The following TSPAN19 variants were observed in gnomAD, a reference collection of about 807,000 sequenced individuals.
TSPAN19 encodes tetraspanin 19, also known as tetraspanin-19.
In TSPAN19, 44 loss-of-function variants were observed where a neutral mutation model predicts 35.1. The ratio of observed to expected loss-of-function variants is 1.25; its 90% CI spans 0.98 to 1.61. TSPAN19 has a LOEUF of 1.61. TSPAN19 is among the 40% of genes most tolerant of loss of function. TSPAN19 has a pLI of 0.00. For missense variants in TSPAN19, 290 were observed against 280.0 expected (o/e 1.04, Z -0.26); for synonymous variants, 79 against 92.0 (o/e 0.86, Z 0.81).
intron 4 of TSPAN19, among the ~76,000 whole-genome samples, chr12:85,023,644 G>C (rs900270910): frequency 1.3e-4 from 20 of 152,104 alleles, no homozygotes; most frequent in African/African-American, 4.8e-4. Flanking sequence ...GAGCACCTTG[G>C]TCCAATAGAG....
chr12:85,027,584 C>G (rs1348129716), intron 4 of TSPAN19, among the ~76,000 whole-genome samples: 4 of 151,920 alleles, frequency 2.6e-5, no homozygotes, highest in South Asian at 4.2e-4. Context: ...ACACTTTATT[C>G]TAATTCTAGC....
At chr12:85,035,076 C>T (rs984317666) in intron 1 of TSPAN19, 1 of 151,996 alleles carries the variant, frequency 6.6e-6, no homozygotes, top group African/African-American at 2.4e-5. Flanking sequence ...AACTTCAACA[C>T]AATATGAAAG....
intron 7 of TSPAN19, 52 bp from the exon 8 acceptor site, chr12:85,016,023 C>A (rs537947251): frequency 1.8e-6 from 2 of 1,117,712 alleles, no homozygotes; most frequent in Admixed American, 6.1e-5. Context: ...TGATCTTATA[C>A]ATAAATCTTT....
chr12:85,027,813 G>A, intron 4 of TSPAN19, 86 bp downstream of exon 4: 1 of 1,312,948 alleles, frequency 7.6e-7, no homozygotes, highest in Non-Finnish European at 1.0e-6. Context: ...GCAGTGCCAT[G>A]CTAATATAAA....
intron 5 of TSPAN19, among the ~76,000 whole-genome samples, chr12:85,021,101 A>G (rs1877097843): frequency 6.6e-6 from 1 of 152,086 alleles, no homozygotes; most frequent in African/African-American, 2.4e-5. Context: ...TTTATAACAA[A>G]TTACTAATTT....
chr12:85,029,799 AAG>A lies in TSPAN19; in HGVS notation c.67-10_67-9del. ...GAATAAAAGTCCAAGAACCTAAAAAAAGAAAGTCAATGCTTATTTTTTTGTAA... is the reference window on the plus strand; with the variant it reads ...GAATAAAAGTCCAAGAACCTAAAAAAAAAGTCAATGCTTATTTTTTTGTAA... On this transcript the variant is annotated splice_polypyrimidine_tract_variant and intron_variant, in intron 2 of 8. Transcript: ENST00000532498. 2.6e-6 allele frequency: 4 copies of A among 1,540,956 alleles called. No homozygotes were observed. The highest frequency in any genetic ancestry group is 3.5e-6 in the Non-Finnish European group (4 of 1,144,242).
In TSPAN19 at chr12:85,027,980, A is replaced by C. The variant is rs200701899; in HGVS notation, c.183T>G (p.Ile61Met). 1.6e-4 allele frequency: 263 copies of C among 1,599,372 alleles called. No individual in the cohort carries two copies. The Admixed American group carries it at 2.6e-3, about 16-fold the overall frequency. Residue 61 changes from isoleucine to methionine, a missense_variant, in exon 4 of 9, where the codon ATT (isoleucine) becomes ATG (methionine). By Grantham distance (10) the Ile-to-Met change is conservative. Transcript: ENST00000532498. ...HFIVPISQIL[I>M]GMGSSTVLFC... ...AAAGAACAGTAGAAGATCCCATTCC[A>C]ATCAAAATTTGAGAAATAGGTACTA...
At chr12:85,025,202 C>A (rs1324760836) in intron 4 of TSPAN19, among the ~76,000 whole-genome samples, 6 of 151,070 alleles carry the variant, frequency 4.0e-5, no homozygotes, top group African/African-American at 1.5e-4. Flanking sequence ...GTGGCACCAT[C>A]TCAGCTCTCT....
chr12:85,027,993 G>C lies in TSPAN19; in HGVS notation c.170C>G (p.Ser57Cys). 6.3e-7 allele frequency: 1 copy of C among 1,593,014 alleles called. No homozygotes were observed. The highest frequency in any genetic ancestry group is 8.6e-7 in the Non-Finnish European group (1 of 1,166,212). The change falls in exon 4 of 9, where the codon TCT becomes TGT. Residue 57 changes from serine to cysteine, a missense_variant. Physicochemically the swap from Ser to Cys is moderately radical, Grantham distance 112. Coordinates refer to ENST00000532498, the MANE Select transcript of TSPAN19 (RefSeq NM_001100917.2). ...DENNHFIVPI[S>C]QILIGMGSST... ...AGATCCCATTCCAATCAAAATTTGA[G>C]AAATAGGTACTATGAAGTGATTATT...
At position 85,014,462 on chromosome 12, in the gene TSPAN19, T is replaced by C; in HGVS notation, c.*25A>G. 4 of 1,547,918 alleles carry C rather than the reference T, an allele frequency of 2.6e-6. No homozygotes were observed. The highest frequency in any genetic ancestry group is 3.5e-6 in the Non-Finnish European group (4 of 1,130,926). ...GATTTTTTAAGAATTAACTGGTTTC[T>C]TCTGAACAAATTGAAATCCAAAGGT... is the stretch of plus-strand genomic sequence containing the variant. On this transcript the variant is annotated 3_prime_UTR_variant, in exon 9 of 9. Coordinates refer to ENST00000532498, the MANE Select transcript of TSPAN19 (RefSeq NM_001100917.2).
intron 4 of TSPAN19, among the ~76,000 whole-genome samples, chr12:85,027,652 T>A (rs1877478981): frequency 6.6e-6 from 1 of 152,134 alleles, no homozygotes; most frequent in Non-Finnish European, 1.5e-5. Flanking sequence ...AGAGTCCTAT[T>A]GACTCTGTGT....
At chr12:85,016,743 T>C (rs1415057544) in intron 7 of TSPAN19, 2 of 151,916 alleles carry the variant, frequency 1.3e-5, no homozygotes, top group Non-Finnish European at 2.9e-5. Flanking sequence ...TTTTCAATGG[T>C]TGAACTCTCA....
At chr12:85,018,002 A>G (rs1592658828) in intron 6 of TSPAN19, among the ~76,000 whole-genome samples, 1 of 152,014 alleles carries the variant, frequency 6.6e-6, no homozygotes, top group Admixed American at 6.6e-5. Flanking sequence ...ACTGTTTGGT[A>G]TACCTAAAAA....
At position 85,027,954 on chromosome 12, in the gene TSPAN19, A is replaced by T; in HGVS notation, c.209T>A (p.Phe70Tyr). 1 of 1,602,010 alleles carries T rather than the reference A, an allele frequency of 6.2e-7. No individual in the cohort carries two copies. Among genetic ancestry groups the T allele is most frequent in the African/African-American group, 1.3e-5 (1 of 74,710 alleles). ...AATTCCTATATAACCCAATAGACAAAAAAGAACAGTAGAAGATCCCATTCC... is the reference window on the plus strand; with the variant it reads ...AATTCCTATATAACCCAATAGACAATAAAGAACAGTAGAAGATCCCATTCC... ...LIGMGSSTVL[F>Y]CLLGYIGIHN... The change falls in exon 4 of 9, where the codon TTT (phenylalanine) becomes TAT (tyrosine). Residue 70 changes from phenylalanine (F) to tyrosine (Y), a missense_variant. Physicochemically the swap from Phe to Tyr is conservative, Grantham distance 22 (BLOSUM62 3). Transcript: ENST00000532498.
rs368762012 is a variant in TSPAN19, at chr12:85,030,111, AT to A, written c.-27-139del. On this transcript the variant is annotated intron_variant, in intron 1 of 8. Coordinates refer to ENST00000532498, the MANE Select transcript of TSPAN19 (RefSeq NM_001100917.2). ...CATACTTCCATCTCTAAATGAAAGG[AT>A]TTATTGAAGGTATCTTGAAACTGTA... 1.1e-3 allele frequency: 759 copies of A among 689,158 alleles called. 7 individuals carry two copies. In the African/African-American group the frequency reaches 0.014, roughly 12 times the overall value. The allele number at this position is 689,158 out of a possible 1,614,324, so 42.7% of individuals were successfully genotyped here.
At chr12:85,023,532 G>A in intron 4 of TSPAN19, 132 bp from the exon 5 acceptor site, 1 of 591,792 alleles carries the variant, frequency 1.7e-6, no homozygotes, top group South Asian at 3.0e-5. Context: ...GAGGCTTCCT[G>A]CCTTCACAAA....
At chr12:85,019,389 C>T (rs1247926098) in intron 6 of TSPAN19, among the ~76,000 whole-genome samples, 3 of 151,856 alleles carry the variant, frequency 2.0e-5, no homozygotes, top group Non-Finnish European at 2.9e-5. Context: ...CAGCACTTTT[C>T]CAGGTGAAAC....
chr12:85,030,209 G>T (rs915853555), intron 1 of TSPAN19, among the ~76,000 whole-genome samples: 1 of 152,148 alleles, frequency 6.6e-6, no homozygotes, highest in Admixed American at 6.6e-5. Context: ...GCAATGCTTT[G>T]ACTAGGCAAT....
At chr12:85,029,595 G>GA in intron 3 of TSPAN19, 124 bp downstream of exon 3, 1 of 836,720 alleles carries the variant, frequency 1.2e-6, no homozygotes, top group African/African-American at 1.8e-5. Context: ...AAGACTTTCA[G>GA]AAGGAATGCT....
Sources: gnomAD v4.1 joint callset for allele counts (sites outside exome capture counted in the v4.1 genomes callset) on GRCh38, gnomAD v4.1.1 for gene constraint, MANE v1.5 for transcripts, NCBI Gene and HGNC (gene_info 2026-07-23, HGNC 2026-07-21) for gene names.